The following NXN variants were observed in gnomAD, a reference collection of about 807,000 sequenced individuals.
The protein encoded by NXN is nucleoredoxin, also known as nucleoredoxin 1.
NXN carries 16 observed loss-of-function variants against 48.6 expected under a neutral mutation model. That is an observed-to-expected ratio of 0.33 (90% confidence interval 0.22 to 0.50). The LOEUF is 0.50. Ranked by LOEUF, NXN falls within the 20% of genes least tolerant of loss-of-function variation. The probability of loss-of-function intolerance (pLI) is 0.98; values close to 1 mark genes in which losing one functional copy is unlikely to be tolerated. For missense variants in NXN, 492 were observed against 605.5 expected, an observed-to-expected ratio of 0.81 and a Z score of 1.97; for synonymous variants, 281 against 269.6, an observed-to-expected ratio of 1.04 and a Z score of -0.41.
chr17:961,921 G>C (rs1178819392), intron 1 of NXN, among the ~76,000 whole-genome samples: 1 of 152,130 alleles, frequency 6.6e-6, no homozygotes, highest in Non-Finnish European at 1.5e-5. Flanking sequence ...GATCACCTGA[G>C]GTCAGGAGTT....
intron 5 of NXN, among the ~76,000 whole-genome samples, chr17:813,055 G>C (rs75103398): frequency 6.6e-6 from 1 of 151,840 alleles, no homozygotes; most frequent in African/African-American, 2.4e-5. Flanking sequence ...GTGTGTGTGC[G>C]TGTGTTCACA....
chr17:965,288 A>G (rs1346512598), intron 1 of NXN, among the ~76,000 whole-genome samples: 1 of 152,188 alleles, frequency 6.6e-6, no homozygotes, highest in Non-Finnish European at 1.5e-5. Context: ...AAAAGACAAA[A>G]GTGGGAGATT....
chr17:833,972 T>C (rs910819164), intron 1 of NXN, among the ~76,000 whole-genome samples: 31 of 152,224 alleles, frequency 2.0e-4, no homozygotes, highest in African/African-American at 7.5e-4. Context: ...GCCTTCAGGA[T>C]GGCGAACATC....
At chr17:856,942 C>T (rs1419692850) in intron 1 of NXN, among the ~76,000 whole-genome samples, 2 of 151,840 alleles carry the variant, frequency 1.3e-5, no homozygotes, top group Non-Finnish European at 2.9e-5. Context: ...CCATCATGAA[C>T]CTCAAAACTC....
intron 1 of NXN, among the ~76,000 whole-genome samples, chr17:850,437 G>A (rs2067911634): frequency 6.6e-6 from 1 of 152,214 alleles, no homozygotes; most frequent in African/African-American, 2.4e-5. Flanking sequence ...CATGTGTGTG[G>A]ACATGAGAAA....
intron 1 of NXN, among the ~76,000 whole-genome samples, chr17:827,580 A>G (rs5011856): frequency 0.68 from 103,353 of 151,774 alleles, 36,131 homozygotes; most frequent in African/African-American, 0.84. Flanking sequence ...CCAGGATCAC[A>G]CCACTGCACT....
At chr17:936,362 C>T (rs974921753) in intron 1 of NXN, among the ~76,000 whole-genome samples, 19 of 151,984 alleles carry the variant, frequency 1.3e-4, no homozygotes, top group Non-Finnish European at 2.4e-4. Context: ...GGCACTGCAG[C>T]GACGGGTGCC....
chr17:893,420 A>T (rs1219039603), intron 1 of NXN, among the ~76,000 whole-genome samples: 1 of 152,250 alleles, frequency 6.6e-6, no homozygotes, highest in Non-Finnish European at 1.5e-5. Flanking sequence ...CACTCTGGTG[A>T]GAATGCCCTC....
intron 2 of NXN, among the ~76,000 whole-genome samples, chr17:824,646 T>C (rs1278920809): frequency 6.6e-6 from 1 of 152,192 alleles, no homozygotes; most frequent in Non-Finnish European, 1.5e-5. Flanking sequence ...CTATTGCTCT[T>C]GATGGGCTCA....
chr17:931,001 C>G (rs962898097), intron 1 of NXN, among the ~76,000 whole-genome samples: 1 of 152,064 alleles, frequency 6.6e-6, no homozygotes, highest in African/African-American at 2.4e-5. Flanking sequence ...GAACTCCTGA[C>G]CTCATGATCC....
intron 1 of NXN, among the ~76,000 whole-genome samples, chr17:886,504 C>T (rs866545371): frequency 2.7e-4 from 41 of 152,336 alleles, no homozygotes; most frequent in Non-Finnish European, 3.8e-4. Context: ...TTGGCCGGCG[C>T]GGTGGCTCAC....
At chr17:807,524 G>A (rs1385183406) in intron 5 of NXN, among the ~76,000 whole-genome samples, 3 of 152,220 alleles carry the variant, frequency 2.0e-5, no homozygotes. Context: ...TGTGGCTGCA[G>A]CCTCTTTTGA....
chr17:858,407 G>C (rs555738217), intron 1 of NXN, among the ~76,000 whole-genome samples: 1 of 152,174 alleles, frequency 6.6e-6, no homozygotes, highest in South Asian at 2.1e-4. Context: ...AACCACAAAG[G>C]TGATACTGGA....
At chr17:944,914 C>T (rs1373708699) in intron 1 of NXN, among the ~76,000 whole-genome samples, 1 of 151,692 alleles carries the variant, frequency 6.6e-6, no homozygotes, top group African/African-American at 2.4e-5. Flanking sequence ...GGAACACCTA[C>T]GAACTGTGAA....
rs746742877 is a variant in NXN, at chr17:979,716, C to T, written c.-38G>A. On this transcript the variant is annotated 5_prime_UTR_variant, in exon 1 of 8. Transcript: ENST00000336868. ...CAGGGCGGGCAGGCGGCTGCGACCC[C>T]GCTCCACGGTCCGCGCGGCGGGAGG... 3 of 1,316,928 alleles carry T rather than the reference C, an allele frequency of 2.3e-6. No individual in the cohort carries two copies. The highest frequency in any genetic ancestry group is 1.9e-5 in the South Asian group (1 of 52,738). The allele number at this position is 1,316,928 out of a possible 1,614,324, so 81.6% of individuals were successfully genotyped here.
intron 1 of NXN, among the ~76,000 whole-genome samples, chr17:913,195 T>C (rs950083863): frequency 2.0e-4 from 30 of 152,098 alleles, no homozygotes; most frequent in African/African-American, 6.5e-4. Flanking sequence ...AGAAGTAAAA[T>C]TGAACAGAAA....
intron 1 of NXN, among the ~76,000 whole-genome samples, chr17:906,274 G>A (rs2068580431): frequency 6.6e-6 from 1 of 152,124 alleles, no homozygotes. Context: ...TAGTTAAGAA[G>A]TGTCCAGGGT....
intron 1 of NXN, among the ~76,000 whole-genome samples, chr17:831,469 A>ATTTG (rs770221353): frequency 2.3e-5 from 1 of 43,550 alleles, no homozygotes; most frequent in Non-Finnish European, 3.8e-5. Context: ...TTATTTATTT[A>ATTTG]TTTATTTATT....
chr17:914,667 G>A (rs1240874414), intron 1 of NXN, among the ~76,000 whole-genome samples: 1 of 152,218 alleles, frequency 6.6e-6, no homozygotes, highest in African/African-American at 2.4e-5. Flanking sequence ...ATGAGGAGCA[G>A]AGACTCGCTT....
Sources: allele counts gnomAD v4.1 joint callset (sites outside exome capture counted in the v4.1 genomes callset), GRCh38; gene constraint gnomAD v4.1.1; transcripts MANE v1.5; gene names NCBI Gene and HGNC (gene_info 2026-07-23, HGNC 2026-07-21).